Variants in SAMD12 observed in about 807,000 individuals in gnomAD.
SAMD12 encodes sterile alpha motif domain-containing protein 12.
Under a neutral mutation model 15.0 loss-of-function variants are expected in SAMD12, and 9 were observed. The observed-to-expected ratio is 0.60, with a 90% confidence interval of 0.36 to 1.05. SAMD12 has a LOEUF of 1.05. SAMD12 is among the 50% of genes least tolerant of loss of function. The probability of loss-of-function intolerance (pLI) is 0.01; values close to 1 mark genes in which losing one functional copy is unlikely to be tolerated. For missense variants in SAMD12, 230 were observed against 234.2 expected, an observed-to-expected ratio of 0.98 and a Z score of 0.12; for synonymous variants, 86 against 90.1, an observed-to-expected ratio of 0.96 and a Z score of 0.25.
rs540393491 is a variant in SAMD12 at position 118,569,306 on chromosome 8, T to C, written c.192+11409A>G. Among the ~76,000 whole-genome samples, 99 of 152,284 alleles carry C rather than the reference T, an allele frequency of 6.5e-4. 1 individual carries two copies. Among genetic ancestry groups the C allele is most frequent in the Admixed American group, 1.5e-3 (23 of 15,300 alleles). ...ATTGTATAAAATTGCCTTCAGGCTATATATATAGGATGTATATGAAACATA... is the reference window on the plus strand; with the variant it reads ...ATTGTATAAAATTGCCTTCAGGCTACATATATAGGATGTATATGAAACATA... On this transcript the variant is annotated intron_variant, in intron 2 of 3. Transcript: ENST00000314727.
At chr8:118,506,485 G>A (rs970433768) in intron 2 of SAMD12, among the ~76,000 whole-genome samples, 1 of 152,066 alleles carries the variant, frequency 6.6e-6, no homozygotes, top group Non-Finnish European at 1.5e-5. Context: ...TTTCCACGGG[G>A]AGAAGGGAAA....
the SAMD12 span, among the ~76,000 whole-genome samples, chr8:118,168,666 T>C: frequency 6.6e-6 from 1 of 152,192 alleles, no homozygotes; most frequent in South Asian, 2.1e-4. Context: ...GGAATTATGC[T>C]TGGACAAGTT....
chr8:118,215,409 G>T (rs982254627), intron 4 of SAMD12, among the ~76,000 whole-genome samples: 1 of 151,180 alleles, frequency 6.6e-6, no homozygotes, highest in Admixed American at 6.6e-5. Context: ...AAATGTTAGT[G>T]AAAAAGCTTT....
In SAMD12 at chr8:118,221,007, G is replaced by A. The variant is rs112359207; in HGVS notation, c.434-23275C>T. Among the ~76,000 whole-genome samples the A allele has an allele frequency of 1.2e-3, 177 of 151,940 alleles. 1 individual carries two copies. The highest frequency in any genetic ancestry group is 3.3e-3 in the African/African-American group (136 of 41,436). ...TATGAAGGCCTCTGGAATTATTTGC[G>A]TATGATTTCTAAAAAAAAAATAACT... On this transcript the variant is annotated intron_variant, in intron 4 of 4. Coordinates refer to the SAMD12 transcript ENST00000409003.
At chr8:118,316,746 A>G (rs1461671993) in intron 4 of SAMD12, among the ~76,000 whole-genome samples, 2 of 151,772 alleles carry the variant, frequency 1.3e-5, no homozygotes, top group African/African-American at 4.8e-5. Flanking sequence ...TCCCCGCAAA[A>G]TTCTTATGTT....
intron 4 of SAMD12, among the ~76,000 whole-genome samples, chr8:118,254,864 A>T (rs1453652899): frequency 6.6e-6 from 1 of 151,756 alleles, no homozygotes; most frequent in African/African-American, 2.4e-5. Context: ...CTACTTGCTC[A>T]CCCATTCCCT....
At chr8:118,305,144 CAAAAAA>C (rs56200866) in intron 4 of SAMD12, among the ~76,000 whole-genome samples, 10,582 of 47,466 alleles carry the variant, frequency 0.22, 656 homozygotes, top group African/African-American at 0.31. Flanking sequence ...GACTCCCTGT[CAAAAAA>C]AAAAAAAAAA....
intron 4 of SAMD12, among the ~76,000 whole-genome samples, chr8:118,290,245 A>G (rs541474229): frequency 1.3e-5 from 2 of 152,360 alleles, no homozygotes; most frequent in East Asian, 1.9e-4. Flanking sequence ...AAATGCAGTC[A>G]CACTTCCAAA....
intron 3 of SAMD12, among the ~76,000 whole-genome samples, chr8:118,393,587 T>C (rs1354414610): frequency 2.0e-5 from 3 of 151,044 alleles, no homozygotes; most frequent in African/African-American, 7.3e-5. Context: ...AAAATACCCA[T>C]GCATTTTTTT....
chr8:118,361,328 A>T (rs773570294), intron 4 of SAMD12, among the ~76,000 whole-genome samples: 6 of 152,212 alleles, frequency 3.9e-5, no homozygotes, highest in Non-Finnish European at 8.8e-5. Context: ...CCATAAAAGC[A>T]TGGATTCAGG....
rs188186479 is a variant in SAMD12, at chr8:118,463,837, T to G, written c.193-23876A>C. ...TCAGCACAAGGGGGCAGGCAGGTCA[T>G]CATACTCAATTACTGGGTTTGGCAG... On this transcript the variant is annotated intron_variant, in intron 2 of 3. Coordinates refer to ENST00000314727, the MANE Select transcript of SAMD12 (RefSeq NM_207506.3). 1.4e-3 allele frequency among the ~76,000 whole-genome samples: 219 copies of G among 152,116 alleles called. 1 individual carries two copies. The highest frequency in any genetic ancestry group is 7.9e-4 in the Non-Finnish European group (54 of 67,984).
chr8:118,277,194 C>T (rs1185825975), intron 4 of SAMD12, among the ~76,000 whole-genome samples: 2 of 152,080 alleles, frequency 1.3e-5, no homozygotes, highest in Non-Finnish European at 2.9e-5. Context: ...TCTGCTATTC[C>T]ACTCACCACC....
At chr8:118,618,141 T>C (rs1453318698) in intron 1 of SAMD12, among the ~76,000 whole-genome samples, 1 of 151,938 alleles carries the variant, frequency 6.6e-6, no homozygotes. Context: ...AAGCTGCCCA[T>C]AAATGCAAAG....
rs77531140 is a variant in SAMD12, at chr8:118,602,258, G to A, written c.13+19546C>T. ...TCTGAGTGTGTACACGTGCACTACA[G>A]CACTAGAATGGGACTTAGGACACTT... On this transcript the variant is annotated intron_variant, in intron 1 of 3. Transcript: ENST00000314727. 5.6e-3 allele frequency among the ~76,000 whole-genome samples: 858 copies of A among 152,318 alleles called. 6 individuals are homozygous for A. Among genetic ancestry groups the A allele is most frequent in the South Asian group, 0.027 (128 of 4,826 alleles).
At chr8:118,137,107 G>A in the SAMD12 span, among the ~76,000 whole-genome samples, 1 of 152,150 alleles carries the variant, frequency 6.6e-6, no homozygotes, top group African/African-American at 2.4e-5. Context: ...TGGCTCCAGG[G>A]CCCCAGTTAC....
At chr8:118,609,618 T>G (rs1202540175) in intron 1 of SAMD12, among the ~76,000 whole-genome samples, 2 of 152,200 alleles carry the variant, frequency 1.3e-5, no homozygotes, top group Non-Finnish European at 2.9e-5. Flanking sequence ...AATCATATCT[T>G]CTTTTTCACC....
chr8:118,269,907 T>C (rs1016509652), intron 4 of SAMD12, among the ~76,000 whole-genome samples: 3 of 152,188 alleles, frequency 2.0e-5, no homozygotes, highest in African/African-American at 4.8e-5. Flanking sequence ...CAACCCTGGC[T>C]AGGTAAATCA....
chr8:118,597,127 G>T (rs1249315614), intron 1 of SAMD12, among the ~76,000 whole-genome samples: 4 of 152,096 alleles, frequency 2.6e-5, no homozygotes, highest in Non-Finnish European at 5.9e-5. Flanking sequence ...GGCTGGAGAG[G>T]GTGGCAGGCT....
chr8:118,324,679 T>C (rs574926343), intron 4 of SAMD12, among the ~76,000 whole-genome samples: 1 of 152,248 alleles, frequency 6.6e-6, no homozygotes, highest in Non-Finnish European at 1.5e-5. Context: ...GAATTGAAGT[T>C]AGACAGACAA....
Sources: allele counts gnomAD v4.1 joint callset (sites outside exome capture counted in the v4.1 genomes callset), GRCh38; gene constraint gnomAD v4.1.1; transcripts MANE v1.5; gene names NCBI Gene and HGNC (gene_info 2026-07-23, HGNC 2026-07-21).